The following SIK2 variants were observed in gnomAD, a reference collection of about 807,000 sequenced individuals.
SIK2 encodes salt inducible kinase 2.
In SIK2, 29 loss-of-function variants were observed where a neutral mutation model predicts 103.2. The observed-to-expected ratio is 0.28, with a 90% CI of 0.21 to 0.38. SIK2 has a LOEUF of 0.38. Among genes scored for constraint, SIK2 ranks in the 10% least tolerant of loss-of-function variants. SIK2 has a pLI of 1.00. For missense variants in SIK2, 879 were observed against 1,171.0 expected (o/e 0.75, Z 3.64); for synonymous variants, 412 against 446.1 (o/e 0.92, Z 0.96).
intron 12 of SIK2, 68 bp downstream of exon 12, chr11:111,721,130 T>C: frequency 6.7e-7 from 1 of 1,502,778 alleles, no homozygotes; most frequent in Non-Finnish European, 8.9e-7. Flanking sequence ...CTGAAGATGG[T>C]CATTTTCACT....
At chr11:111,672,012 G>C in intron 3 of SIK2, 1 of 519,492 alleles carries the variant, frequency 1.9e-6, no homozygotes, top group Admixed American at 2.0e-5. Context: ...GCTGCAGGAG[G>C]CTCCACTTGG....
At chr11:111,667,902 A>G (rs917740211) in intron 3 of SIK2, among the ~76,000 whole-genome samples, 14 of 152,192 alleles carry the variant, frequency 9.2e-5, no homozygotes, top group African/African-American at 3.1e-4. Context: ...TTTGAGAGAA[A>G]GAGAATAGAT....
In SIK2 at chr11:111,720,765, G is replaced by A. The variant is rs1565394692; in HGVS notation, c.1780+3G>A. ...ATCAGATACCTCCCTCACCCAGGGTGAGCACTTCCTCCTCTGCTTTTTGAA... is the reference window on the plus strand; with the variant it reads ...ATCAGATACCTCCCTCACCCAGGGTAAGCACTTCCTCCTCTGCTTTTTGAA... On this transcript the variant is annotated splice_donor_region_variant and intron_variant, in intron 11 of 14. Transcript: ENST00000304987. 5.7e-6 allele frequency: 9 copies of A among 1,581,624 alleles called. No homozygotes were observed. Among genetic ancestry groups the A allele is most frequent in the East Asian group, 2.2e-5 (1 of 44,622 alleles).
chr11:111,612,979 CTG>C (rs1941750259), intron 1 of SIK2, among the ~76,000 whole-genome samples: 1 of 144,024 alleles, frequency 6.9e-6, no homozygotes, highest in Non-Finnish European at 1.5e-5. Flanking sequence ...TGGATAAAGT[CTG>C]TGACCCAAGA....
rs919294854 is a variant in SIK2, at chr11:111,647,581, A to G, written c.316+27179A>G. Among the ~76,000 whole-genome samples, 3 of 149,330 alleles carry G rather than the reference A, an allele frequency of 2.0e-5. No homozygotes were observed. In the East Asian group the frequency reaches 5.8e-4, roughly 29 times the overall value. On this transcript the variant is annotated intron_variant, in intron 3 of 14. Transcript: ENST00000304987. The stretch of plus-strand genomic sequence containing the variant: ...CATCTCGAAAAAAAAAAAAAAAAAA[A>G]AGGCTGAACACGGTGGCTCACAGCC...
chr11:111,720,788 G>C (rs1425526326), intron 11 of SIK2, 26 bp downstream of exon 11: 16 of 1,570,490 alleles, frequency 1.0e-5, no homozygotes, highest in Non-Finnish European at 1.3e-5. Flanking sequence ...TCTGCTTTTT[G>C]AAACTCGCGT....
chr11:111,604,417 T>C (rs1941622219), intron 1 of SIK2, among the ~76,000 whole-genome samples: 1 of 152,270 alleles, frequency 6.6e-6, no homozygotes, highest in Admixed American at 6.5e-5. Context: ...TATTTTTTTC[T>C]CATCAGCTCT....
At chr11:111,616,382 C>G (rs571462) in intron 2 of SIK2, 23 bp downstream of exon 2, 874,000 of 1,258,368 alleles carry the variant, frequency 0.69, 312,902 homozygotes, top group East Asian at 0.96. Context: ...CTAACACTAT[C>G]TCCATTCATT....
At chr11:111,713,889 C>T (rs1184996322) in intron 9 of SIK2, among the ~76,000 whole-genome samples, 1 of 152,146 alleles carries the variant, frequency 6.6e-6, no homozygotes, top group Non-Finnish European at 1.5e-5. Flanking sequence ...ATTGCTTGAA[C>T]CCAGGAAGTG....
Position 111,704,877 on chromosome 11 carries a change from AC to A in SIK2, c.949-107del, listed in dbSNP as rs1378628265. The A allele has an allele frequency of 2.3e-6, 3 of 1,289,558 alleles. No homozygotes were observed. In the Admixed American group the frequency reaches 8.7e-5, roughly 37 times the overall value. 79.9% of individuals were successfully genotyped at this position (1,289,558 alleles called of 1,614,324 possible). On this transcript the variant is annotated intron_variant, in intron 7 of 14. Transcript: ENST00000304987. ...TTCATCTTGAGACACTTTGTTTTTC[AC>A]CCTATTTTTAAGAGCACACAATTTC... is the stretch of plus-strand genomic sequence containing the variant.
chr11:111,708,403 A>T (rs1281023167), intron 8 of SIK2, among the ~76,000 whole-genome samples: 1 of 152,154 alleles, frequency 6.6e-6, no homozygotes, highest in African/African-American at 2.4e-5. Context: ...CATAAAAAAA[A>T]ATAAATAAAG....
rs1943845052 is a variant in SIK2 at position 111,722,883 on chromosome 11, G to C, written c.2147+127G>C. ...AAATAGGTTTTCTGCGTGTGTCACA[G>C]GCCCTCTGAGCACGATTACTAAGAG... On this transcript the variant is annotated intron_variant, in intron 14 of 14. Coordinates refer to ENST00000304987, the MANE Select transcript of SIK2 (RefSeq NM_015191.3). This position sits in a 1 kb window ranked among gnomAD's most constrained non-coding sequence, Gnocchi z 4.4. 2.5e-6 allele frequency: 2 copies of C among 791,518 alleles called. No homozygotes were observed. Among genetic ancestry groups the C allele is most frequent in the Non-Finnish European group, 2.0e-6 (1 of 491,872 alleles). 49.0% of individuals were successfully genotyped at this position (791,518 alleles called of 1,614,324 possible). A position where few individuals can be genotyped will look rare whatever the true frequency, so the allele number is the denominator to read the frequency against.
rs1475573771 is a variant in SIK2 at position 111,672,139 on chromosome 11, G to C, written c.317-15862G>C. The stretch of plus-strand genomic sequence containing the variant: ...CTGGTTACACACGGCCTGGATGTTG[G>C]GGTCCACTTCCAGCTTAAAAGAGCT... On this transcript the variant is annotated intron_variant, in intron 3 of 14. Coordinates refer to ENST00000304987, the MANE Select transcript of SIK2 (RefSeq NM_015191.3). 8 of 442,684 alleles carry C rather than the reference G, an allele frequency of 1.8e-5. No homozygotes were observed. In the East Asian group the frequency reaches 4.5e-4, roughly 25 times the overall value. 27.4% of individuals were successfully genotyped at this position (442,684 alleles called of 1,614,324 possible).
intron 3 of SIK2, among the ~76,000 whole-genome samples, chr11:111,623,418 G>A (rs532161071): frequency 6.6e-6 from 1 of 152,206 alleles, no homozygotes; most frequent in South Asian, 2.1e-4. Flanking sequence ...TTACATGTCT[G>A]GTAGTCTTTG....
intron 2 of SIK2, among the ~76,000 whole-genome samples, chr11:111,618,063 T>C (rs1941832483): frequency 6.6e-6 from 1 of 152,140 alleles, no homozygotes; most frequent in Non-Finnish European, 1.5e-5. Context: ...TCTAAACCAG[T>C]GGTGCCCAAC....
rs1275726504 is a variant in SIK2, at chr11:111,723,839, C to A, written c.2491C>A (p.Pro831Thr). 6.2e-7 allele frequency: 1 copy of A among 1,613,660 alleles called. No individual in the cohort carries two copies. The highest frequency in any genetic ancestry group is 2.2e-5 in the East Asian group (1 of 44,872). The change falls in exon 15 of 15, where the codon CCA (proline) becomes ACA (threonine). Residue 831 changes from proline to threonine, a missense_variant. This residue lies in a region of SIK2 where 375 missense variants were observed against 416.3 expected (regional missense o/e 0.90). Coordinates refer to ENST00000304987, the MANE Select transcript of SIK2 (RefSeq NM_015191.3). ...QQPPPPPPPP[P>T]PRQPGAAPAP... The stretch of plus-strand genomic sequence containing the variant: ...GCCGCCACCGCCACCACCCCCTCCA[C>A]CACCACGACAGCCAGGAGCTGCCCC...
intron 3 of SIK2, among the ~76,000 whole-genome samples, chr11:111,644,394 A>C (rs568584018): frequency 6.6e-6 from 1 of 152,218 alleles, no homozygotes; most frequent in Non-Finnish European, 1.5e-5. Context: ...TTACATTTAA[A>C]AAAAAAGGTT....
intron 2 of SIK2, among the ~76,000 whole-genome samples, chr11:111,619,833 T>A (rs919197977): frequency 3.3e-5 from 5 of 152,206 alleles, no homozygotes; most frequent in Non-Finnish European, 7.3e-5. Flanking sequence ...ACAAGGAATA[T>A]CACATTGTGC....
chr11:111,703,699 A>G (rs1943271094), intron 7 of SIK2, among the ~76,000 whole-genome samples: 1 of 152,244 alleles, frequency 6.6e-6, no homozygotes, highest in Admixed American at 6.5e-5. Flanking sequence ...CAAGGTAGAA[A>G]GTTTCTTCCA....
Sources: allele counts gnomAD v4.1 joint callset (sites outside exome capture counted in the v4.1 genomes callset), GRCh38; gene constraint gnomAD v4.1.1; regional missense constraint gnomAD v4.1.1; non-coding constraint Gnocchi (gnomAD v3.1); transcripts MANE v1.5; gene names NCBI Gene and HGNC (gene_info 2026-07-23, HGNC 2026-07-21).